USP24: variants seen among roughly 807,000 people sequenced by gnomAD.
USP24 encodes the protein ubiquitin specific peptidase 24, also known as ubiquitin carboxyl-terminal hydrolase 24.
USP24 carries 97 observed loss-of-function variants against 361.6 expected under a neutral mutation model. The ratio of observed to expected loss-of-function variants is 0.27; its 90% CI spans 0.23 to 0.32. The LOEUF (loss-of-function observed/expected upper bound fraction) is 0.32. USP24 is among the 10% of genes least tolerant of loss of function. USP24 has a pLI of 1.00. For missense variants in USP24, 2,353 were observed against 3,165.6 expected (o/e 0.74, Z 6.16); for synonymous variants, 1,098 against 1,124.6 (o/e 0.98, Z 0.47).
At chr1:55,085,795 T>G in intron 56 of USP24, 147 bp downstream of exon 56, 1 of 714,580 alleles carries the variant, frequency 1.4e-6, no homozygotes. Flanking sequence ...GCCTTCTCCC[T>G]GGCATGTACC....
chr1:55,092,762 G>C, intron 53 of USP24, 59 bp downstream of exon 53: 2 of 1,261,466 alleles, frequency 1.6e-6, no homozygotes, highest in Non-Finnish European at 2.2e-6. Flanking sequence ...GAATGCTTTA[G>C]CTAAAGCATA....
chr1:55,121,487 G>A lies in USP24; in HGVS notation c.4296C>T (p.Pro1432=), dbSNP rs756211137. 2 of 1,613,622 alleles carry A rather than the reference G, an allele frequency of 1.2e-6. No individual in the cohort carries two copies. The highest frequency in any genetic ancestry group is 1.7e-6 in the Non-Finnish European group (2 of 1,179,748). The part of the protein sequence containing the change: ...SQQLASFYNL[P]CVADFIIDIL... ...TATCAATGATGAAATCAGCAACACA[G>A]GGCAAGTTATAGAAAGATGCTAATA... The change falls in exon 37 of 68, where the codon CCC becomes CCT. Residue 1432 remains proline (P), a synonymous_variant. Transcript: ENST00000294383.
In USP24 at chr1:55,157,315, T is replaced by A; in HGVS notation, c.1283A>T (p.Asp428Val). 1 of 1,602,676 alleles carries A rather than the reference T, an allele frequency of 6.2e-7. No homozygotes were observed. Among genetic ancestry groups the A allele is most frequent in the Non-Finnish European group, 8.5e-7 (1 of 1,176,860 alleles). ...TAGCCAATCTAATAATCTGTCTGTA[T>A]CTATAGCATTCTTCACAGATTTGGA... ...TLSKSVKNAI[D>V]TDRLLDWLVE... The change falls in exon 11 of 68, where the codon GAT becomes GTT. Residue 428 changes from aspartate (D) to valine (V), a missense_variant. Transcript: ENST00000294383.
rs143917096 is a variant in USP24, at chr1:55,146,404, T to C, written c.2251-295A>G. Among the ~76,000 whole-genome samples the C allele has an allele frequency of 6.3e-3, 962 of 152,320 alleles. 7 individuals carry two copies. The highest frequency in any genetic ancestry group is 0.021 in the African/African-American group (890 of 41,572). Reference sequence around the variant, plus strand: ...ACTATGCTGGGCACTATCACAATAGTGAAGCCTTTCGACAAGTCTAGGAAG... The same window carrying C: ...ACTATGCTGGGCACTATCACAATAGCGAAGCCTTTCGACAAGTCTAGGAAG... On this transcript the variant is annotated intron_variant, in intron 19 of 67. Transcript: ENST00000294383.
intron 53 of USP24, 26 bp from the exon 54 acceptor site, chr1:55,092,152 A>T (rs372337273): frequency 2.0e-6 from 3 of 1,532,254 alleles, no homozygotes; most frequent in Non-Finnish European, 2.7e-6. Context: ...ATGAAAGAGG[A>T]TATTTTTCAC....
intron 34 of USP24, 145 bp from the exon 35 acceptor site, chr1:55,124,773 C>A: frequency 1.2e-6 from 1 of 821,956 alleles, no homozygotes; most frequent in Non-Finnish European, 1.9e-6. Context: ...AGCTGCCATC[C>A]TGCTCAAGGG....
chr1:55,161,016 C>T (rs972104653), intron 8 of USP24, among the ~76,000 whole-genome samples: 2 of 152,044 alleles, frequency 1.3e-5, no homozygotes, highest in African/African-American at 2.4e-5. Flanking sequence ...AACAGCCATC[C>T]TATTTCACCT....
intron 38 of USP24, among the ~76,000 whole-genome samples, chr1:55,113,717 T>A (rs1239714867): frequency 6.6e-6 from 1 of 152,190 alleles, no homozygotes; most frequent in Non-Finnish European, 1.5e-5. Flanking sequence ...GATGCAAGGC[T>A]GGTTCAACAT....
chr1:55,147,372 CAAT>C (rs1647057215), intron 18 of USP24, among the ~76,000 whole-genome samples: 1 of 151,858 alleles, frequency 6.6e-6, no homozygotes, highest in Non-Finnish European at 1.5e-5. Context: ...TTTTAAAAAA[CAAT>C]AATGTTACTA....
intron 1 of USP24, among the ~76,000 whole-genome samples, chr1:55,195,409 C>T (rs528134858): frequency 1.4e-4 from 22 of 152,318 alleles, no homozygotes; most frequent in Admixed American, 1.3e-3. Flanking sequence ...GGAAGGTATT[C>T]TGTCTTCTAT....
At chr1:55,101,795 C>T (rs1052639454) in intron 42 of USP24, 92 bp from the exon 43 acceptor site, 1 of 1,407,686 alleles carries the variant, frequency 7.1e-7, no homozygotes, top group African/African-American at 1.5e-5. Flanking sequence ...GAGATATATT[C>T]ACAGATTTAC....
At chr1:55,164,818 C>T (rs1648664112) in intron 7 of USP24, among the ~76,000 whole-genome samples, 1 of 150,752 alleles carries the variant, frequency 6.6e-6, no homozygotes, top group Non-Finnish European at 1.5e-5. Context: ...TTTTTTTTAA[C>T]CCTGGATCTG....
At position 55,159,668 on chromosome 1, in the gene USP24, G is replaced by C. The variant is rs1287783860; in HGVS notation, c.1011C>G (p.Val337=). 2.6e-6 allele frequency: 4 copies of C among 1,560,180 alleles called. No individual in the cohort carries two copies. The highest frequency in any genetic ancestry group is 3.5e-6 in the Non-Finnish European group (4 of 1,150,450). ...GTACATCCTGGATTGTAGTAAGAAT[G>C]ACTGGGTCTAGCATGGGCTGTAGAA... ...SSVVQPMLDP[V]ILTTIQDVRS... Residue 337 remains valine (V), a synonymous_variant, in exon 9 of 68, where the codon GTC becomes GTG. Coordinates refer to ENST00000294383, the MANE Select transcript of USP24 (RefSeq NM_015306.3).
At chr1:55,079,841 TCACA>T (rs376344946) in intron 59 of USP24, among the ~76,000 whole-genome samples, 182 bp from the exon 60 acceptor site, 4 of 151,394 alleles carry the variant, frequency 2.6e-5, no homozygotes, top group African/African-American at 7.3e-5. Context: ...CACACAGTAC[TCACA>T]CACAGAGTAC....
intron 52 of USP24, chr1:55,093,694 GAGC>G: frequency 2.5e-6 from 1 of 393,414 alleles, no homozygotes; most frequent in Non-Finnish European, 4.6e-6. Context: ...CACACTCACA[GAGC>G]AGGTCAGTGA....
rs61760214 is a variant in USP24, at chr1:55,107,318, C to G, written c.4683G>C (p.Ala1561=). Residue 1561 remains alanine, a synonymous_variant, in exon 40 of 68, where the codon GCG becomes GCC. Transcript: ENST00000294383. ...NRTAECETSE[A]DNILLAGHLR... is the part of the protein sequence containing the mutation. ...AGTGCCCTGCCAGTAAGATGTTGTC[C>G]GCTTCACTGGTCTCACATTCAGCTG... The G allele has an allele frequency of 4.6e-5, 75 of 1,613,774 alleles. No individual in the cohort carries two copies. The highest frequency in any genetic ancestry group is 6.1e-5 in the Non-Finnish European group (72 of 1,179,878).
chr1:55,196,332 T>A (rs1346892267), intron 1 of USP24, among the ~76,000 whole-genome samples: 2 of 151,840 alleles, frequency 1.3e-5, no homozygotes, highest in Non-Finnish European at 2.9e-5. Flanking sequence ...ATCTAATGCA[T>A]TGTTTTCTAC....
rs543727991 is a variant in USP24, at chr1:55,181,310, G to A, written c.325-3178C>T. ...AAACAAAAAACAGGAAGGTAATTAAGCATAGAAGACAATGTAAATTGGACA... is the reference window on the plus strand; with the variant it reads ...AAACAAAAAACAGGAAGGTAATTAAACATAGAAGACAATGTAAATTGGACA... On this transcript the variant is annotated intron_variant, in intron 1 of 67. Transcript: ENST00000294383. 3.3e-5 allele frequency among the ~76,000 whole-genome samples: 5 copies of A among 152,170 alleles called. No homozygotes were observed. The East Asian group carries it at 9.6e-4, about 29-fold the overall frequency.
chr1:55,165,878 A>T lies in USP24; in HGVS notation c.927+7T>A, dbSNP rs1648787205. On this transcript the variant is annotated splice_region_variant and intron_variant, in intron 7 of 67. Coordinates refer to ENST00000294383, the MANE Select transcript of USP24 (RefSeq NM_015306.3). Reference sequence around the variant, plus strand: ...CCACAGTGAGCATATACAGTAGTTTAACTTACCCCAAGTTCTATATCTTCT... The same window carrying T: ...CCACAGTGAGCATATACAGTAGTTTTACTTACCCCAAGTTCTATATCTTCT... 1.3e-6 allele frequency: 2 copies of T among 1,589,396 alleles called. No individual in the cohort carries two copies. The highest frequency in any genetic ancestry group is 4.5e-5 in the East Asian group (2 of 44,054).
Sources: gnomAD v4.1 joint callset for allele counts (sites outside exome capture counted in the v4.1 genomes callset) on GRCh38, gnomAD v4.1.1 for gene constraint, MANE v1.5 for transcripts, NCBI Gene and HGNC (gene_info 2026-07-23, HGNC 2026-07-21) for gene names.